Variants in CACNA2D3 observed in about 807,000 individuals in gnomAD.
CACNA2D3 encodes calcium voltage-gated channel auxiliary subunit alpha2delta 3, also known as voltage-dependent calcium channel subunit alpha-2/delta-3.
Under a neutral mutation model 160.6 loss-of-function variants are expected in CACNA2D3, and 60 were observed. The ratio of observed to expected loss-of-function variants is 0.37; its 90% CI spans 0.30 to 0.46. CACNA2D3 has a LOEUF of 0.46. Among genes scored for constraint, CACNA2D3 ranks in the 20% least tolerant of loss-of-function variants. The probability of loss-of-function intolerance (pLI) is 1.00; values close to 1 mark genes in which losing one functional copy is unlikely to be tolerated. For synonymous variants in CACNA2D3, 558 were observed against 492.9 expected (o/e 1.13, Z -1.75); for missense variants, 1,205 against 1,365.0 (o/e 0.88, Z 1.85).
At chr3:54,860,899 G>A (rs1699276758) in intron 17 of CACNA2D3, among the ~76,000 whole-genome samples, 1 of 152,210 alleles carries the variant, frequency 6.6e-6, no homozygotes, top group Non-Finnish European at 1.5e-5. Flanking sequence ...GGTTAAATGA[G>A]TTAATGTTCC....
At chr3:54,353,804 C>G (rs1226590338) in intron 3 of CACNA2D3, among the ~76,000 whole-genome samples, 1 of 152,136 alleles carries the variant, frequency 6.6e-6, no homozygotes, top group Non-Finnish European at 1.5e-5. Context: ...TGGTCCTGGT[C>G]TAAAAGTTAG....
intron 11 of CACNA2D3, among the ~76,000 whole-genome samples, chr3:54,704,791 G>A (rs1409031080): frequency 6.6e-6 from 1 of 152,088 alleles, no homozygotes; most frequent in Non-Finnish European, 1.5e-5. Context: ...TATGATCCAA[G>A]TCCAGTTGTT....
rs186820757 is a variant in CACNA2D3, at chr3:54,734,276, A to G, written c.1168-18323A>G. On this transcript the variant is annotated intron_variant, in intron 11 of 37. Transcript: ENST00000474759. ...TCTCTTGTCATACCCAATTCAGATG[A>G]TCTTCCTAAAGCGGGACTCAGTTAA... Among the ~76,000 whole-genome samples, 37 of 152,282 alleles carry G rather than the reference A, an allele frequency of 2.4e-4. 1 individual carries two copies. The East Asian group carries it at 6.6e-3, about 27-fold the overall frequency.
Position 54,830,131 on chromosome 3 carries a change from G to A in CACNA2D3, c.1399-7028G>A, listed in dbSNP as rs375662797. Among the ~76,000 whole-genome samples, 3 of 152,022 alleles carry A rather than the reference G, an allele frequency of 2.0e-5. No homozygotes were observed. In the South Asian group the frequency reaches 6.2e-4, roughly 32 times the overall value. ...GCTAATTTTTTGTATTTTTAGTAGA[G>A]ACGGGATTTCACCATCTTGGCCAGG... is the stretch of plus-strand genomic sequence containing the variant. On this transcript the variant is annotated intron_variant, in intron 14 of 37. Transcript: ENST00000474759.
chr3:54,904,936 C>A (rs1203839526), intron 27 of CACNA2D3, among the ~76,000 whole-genome samples: 4 of 152,104 alleles, frequency 2.6e-5, no homozygotes, highest in African/African-American at 9.7e-5. Flanking sequence ...CCAAAAGCAA[C>A]CTTGTTGGAC....
chr3:54,353,779 G>C (rs1245408969), intron 3 of CACNA2D3, among the ~76,000 whole-genome samples: 1 of 152,136 alleles, frequency 6.6e-6, no homozygotes, highest in African/African-American at 2.4e-5. Flanking sequence ...CTGCAGACTT[G>C]GGCTTCTTGC....
intron 3 of CACNA2D3, among the ~76,000 whole-genome samples, chr3:54,368,510 G>A (rs1698864277): frequency 6.6e-6 from 1 of 151,968 alleles, no homozygotes; most frequent in Admixed American, 6.6e-5. Context: ...AGCACGGAAA[G>A]GAGGAGAGAG....
At chr3:54,992,094 C>T (rs1486175608) in intron 31 of CACNA2D3, among the ~76,000 whole-genome samples, 4 of 152,134 alleles carry the variant, frequency 2.6e-5, no homozygotes, top group African/African-American at 7.2e-5. Context: ...CCTTTAAAAA[C>T]ACTCCAAGTT....
intron 35 of CACNA2D3, among the ~76,000 whole-genome samples, chr3:55,050,258 T>G (rs1235887931): frequency 3.3e-5 from 5 of 151,182 alleles, no homozygotes; most frequent in South Asian, 4.2e-4. Flanking sequence ...TTCCTTTCCA[T>G]GTTTAGCGCT....
At chr3:54,441,621 T>C (rs1575456688) in intron 4 of CACNA2D3, among the ~76,000 whole-genome samples, 1 of 152,346 alleles carries the variant, frequency 6.6e-6, no homozygotes, top group Admixed American at 6.5e-5. Context: ...TGGTTTTAGG[T>C]CTAACATTTA....
rs112594209 is a variant in CACNA2D3 at position 54,606,156 on chromosome 3, A to G, written c.964-21631A>G. ...ATGTAATGTAACTTTATATATATAT[A>G]TATATTTCATTTATGAATCACATAA... On this transcript the variant is annotated intron_variant, in intron 9 of 37. Transcript: ENST00000474759. 3.3e-3 allele frequency among the ~76,000 whole-genome samples: 499 copies of G among 152,214 alleles called. 1 individual carries two copies. The highest frequency in any genetic ancestry group is 5.4e-3 in the Non-Finnish European group (369 of 68,008).
chr3:55,053,906 A>G (rs1214830938), intron 35 of CACNA2D3, among the ~76,000 whole-genome samples: 1 of 151,890 alleles, frequency 6.6e-6, no homozygotes, highest in Non-Finnish European at 1.5e-5. Context: ...ATTTATTTTT[A>G]ATGAAGTTAC....
At chr3:54,203,948 A>T (rs1576996581) in intron 2 of CACNA2D3, among the ~76,000 whole-genome samples, 1 of 151,726 alleles carries the variant, frequency 6.6e-6, no homozygotes. Flanking sequence ...GCCTGTCCTC[A>T]CCTAGGTCCC....
At chr3:54,706,355 G>T (rs1346358810) in intron 11 of CACNA2D3, among the ~76,000 whole-genome samples, 1 of 152,140 alleles carries the variant, frequency 6.6e-6, no homozygotes, top group Non-Finnish European at 1.5e-5. Context: ...TAACAGTGTT[G>T]TTCACATAAC....
intron 2 of CACNA2D3, among the ~76,000 whole-genome samples, chr3:54,292,487 A>G (rs913939757): frequency 6.6e-6 from 1 of 152,214 alleles, no homozygotes; most frequent in African/African-American, 2.4e-5. Flanking sequence ...TAATAAAAAG[A>G]CAACACAATT....
intron 35 of CACNA2D3, 125 bp from the exon 36 acceptor site, chr3:55,073,320 A>AAAAT: frequency 3.1e-6 from 2 of 654,424 alleles, no homozygotes; most frequent in East Asian, 2.7e-5. Context: ...CATTAGTAGT[A>AAAAT]AAATAGTCTC....
intron 35 of CACNA2D3, among the ~76,000 whole-genome samples, chr3:55,019,079 TTTTCTTTC>T (rs113970383): frequency 4.0e-4 from 59 of 146,762 alleles, no homozygotes; most frequent in African/African-American, 1.1e-3. Flanking sequence ...TGCATAGAAA[TTTTCTTTC>T]TTTCTTTCTT....
At chr3:54,918,617 C>A (rs61735203) in intron 27 of CACNA2D3, 2 of 1,614,156 alleles carry the variant, frequency 1.2e-6, no homozygotes, top group South Asian at 2.2e-5. Flanking sequence ...CCACACACAA[C>A]GCCAGTGATG....
chr3:54,750,708 C>CA (rs143002154), intron 11 of CACNA2D3, among the ~76,000 whole-genome samples: 29,818 of 151,586 alleles, frequency 0.2, 3,155 homozygotes, highest in African/African-American at 0.24. Context: ...AGAAAGTGAA[C>CA]GGGGGTGCAG....
Sources: gnomAD v4.1 joint callset for allele counts (sites outside exome capture counted in the v4.1 genomes callset) on GRCh38, gnomAD v4.1.1 for gene constraint, MANE v1.5 for transcripts, NCBI Gene and HGNC (gene_info 2026-07-23, HGNC 2026-07-21) for gene names.